The following PRKAR1A variants were observed in gnomAD, a reference collection of about 807,000 sequenced individuals.
PRKAR1A encodes the protein protein kinase cAMP-dependent type I regulatory subunit alpha.
In PRKAR1A, 3 loss-of-function variants were observed where a neutral mutation model predicts 52.0. The ratio of observed to expected loss-of-function variants is 0.06; its 90% CI spans 0.03 to 0.15. The LOEUF is 0.15. PRKAR1A is among the 10% of genes least tolerant of loss of function. The pLI, the probability that PRKAR1A is intolerant of heterozygous loss-of-function variation, is 1.00. For missense variants in PRKAR1A, 240 were observed against 477.4 expected, an observed-to-expected ratio of 0.50 and a Z score of 4.63; for synonymous variants, 188 against 168.4, an observed-to-expected ratio of 1.12 and a Z score of -0.90.
At chr17:68,426,251 G>GGGGGGC in the PRKAR1A span, 1 of 825,460 alleles carries the variant, frequency 1.2e-6, no homozygotes, top group South Asian at 1.3e-5. Context: ...GTGGGGAGCG[G>GGGGGGC]GGGCTCAAAT....
At chr17:68,445,761 T>C in the PRKAR1A span, among the ~76,000 whole-genome samples, 1 of 152,092 alleles carries the variant, frequency 6.6e-6, no homozygotes, top group Non-Finnish European at 1.5e-5. Flanking sequence ...GGTGAGGAGG[T>C]GTCAGGAAGG....
At chr17:68,551,264 C>T (rs538654332) in exon 12 of PRKAR1A, 2 of 604,638 alleles carry the variant, frequency 3.3e-6, no homozygotes, top group East Asian at 3.5e-5. Context: ...ACAAAATTTT[C>T]AAGGCATGTA....
At chr17:68,488,271 G>C in the PRKAR1A span, among the ~76,000 whole-genome samples, 1 of 152,166 alleles carries the variant, frequency 6.6e-6, no homozygotes, top group African/African-American at 2.4e-5. Flanking sequence ...GAGCAGGAGA[G>C]AAGAGCTGAG....
chr17:68,427,283 G>GA, the PRKAR1A span: 2 of 1,549,680 alleles, frequency 1.3e-6, no homozygotes, highest in Non-Finnish European at 8.9e-7. Context: ...GGAGGTGAAA[G>GA]AAAAAAGAAA....
At chr17:68,457,677 C>T in the PRKAR1A span, among the ~76,000 whole-genome samples, 1 of 152,006 alleles carries the variant, frequency 6.6e-6, no homozygotes, top group Non-Finnish European at 1.5e-5. Flanking sequence ...GGGCGGGGCC[C>T]CTGCCTCCGG....
At chr17:68,544,978 G>A (rs899748258) in intron 11 of PRKAR1A, among the ~76,000 whole-genome samples, 5 of 152,096 alleles carry the variant, frequency 3.3e-5, no homozygotes, top group African/African-American at 4.8e-5. Context: ...ACGTCTCATT[G>A]CACATTATAT....
chr17:68,471,049 AACTC>A, the PRKAR1A span, among the ~76,000 whole-genome samples: 478 of 152,314 alleles, frequency 3.1e-3, 2 homozygotes, highest in African/African-American at 0.011. Flanking sequence ...TAAAAAAACT[AACTC>A]CTTTTTTTCT....
downstream of PRKAR1A, chr17:68,533,494 T>C (rs1429536256): frequency 7.7e-6 from 7 of 910,068 alleles, no homozygotes; most frequent in Admixed American, 4.0e-4. Flanking sequence ...CCAAGTAGAC[T>C]CTTTTTTTTG....
chr17:68,436,124 G>C, the PRKAR1A span, among the ~76,000 whole-genome samples: 138,835 of 152,310 alleles, frequency 0.91, 63,578 homozygotes, highest in African/African-American at 0.98. Flanking sequence ...CACATTCAGG[G>C]AGACAACTGG....
At chr17:68,448,275 A>T in the PRKAR1A span, 1 of 152,238 alleles carries the variant, frequency 6.6e-6, no homozygotes, top group Non-Finnish European at 1.5e-5. Context: ...GAAAGTTTTA[A>T]GAAAAGCAAA....
upstream of PRKAR1A, among the ~76,000 whole-genome samples, chr17:68,510,910 C>T (rs771190071): frequency 1.6e-4 from 25 of 152,182 alleles, no homozygotes; most frequent in Non-Finnish European, 3.5e-4. Context: ...AGCAGTCGGC[C>T]TCCGAGGGCA....
the PRKAR1A span, among the ~76,000 whole-genome samples, chr17:68,490,441 T>C: frequency 6.6e-6 from 1 of 152,234 alleles, no homozygotes; most frequent in Non-Finnish European, 1.5e-5. Context: ...CTCCTTTTTC[T>C]TAGCCCTGTC....
At chr17:68,546,558 T>C (rs1024138993) in intron 11 of PRKAR1A, among the ~76,000 whole-genome samples, 2 of 151,954 alleles carry the variant, frequency 1.3e-5, no homozygotes, top group Non-Finnish European at 2.9e-5. Context: ...TGGCTGGGCG[T>C]GGTGGCTCGC....
rs1399973055 is a variant in PRKAR1A, at chr17:68,530,319, T to C, written c.1016T>C (p.Val339Ala). ...LLMNRPRAATVVARGPLKCVK... is the reference protein window; with the variant it reads ...LLMNRPRAATAVARGPLKCVK... Reference sequence around the variant, plus strand: ...ATGAATCGTCCTCGTGCTGCCACAGTTGTTGCTCGTGGCCCCTTGAAGTGC... The same window carrying C: ...ATGAATCGTCCTCGTGCTGCCACAGCTGTTGCTCGTGGCCCCTTGAAGTGC... The change falls in exon 11 of 11, where the codon GTT becomes GCT. Residue 339 changes from valine to alanine, a missense_variant. Coordinates refer to ENST00000589228, the MANE Select transcript of PRKAR1A (RefSeq NM_002734.5). 6.2e-7 allele frequency: 1 copy of C among 1,614,196 alleles called. No individual in the cohort carries two copies. The highest frequency in any genetic ancestry group is 8.5e-7 in the Non-Finnish European group (1 of 1,180,010).
chr17:68,533,439 G>C, downstream of PRKAR1A: 1 of 1,050,970 alleles, frequency 9.5e-7, no homozygotes, highest in Non-Finnish European at 1.2e-6. Context: ...AAATTTCTCT[G>C]GGTTGACAGT....
At chr17:68,520,902 T>C (rs940014965) in intron 2 of PRKAR1A, among the ~76,000 whole-genome samples, 1 of 152,210 alleles carries the variant, frequency 6.6e-6, no homozygotes, top group African/African-American at 2.4e-5. Flanking sequence ...AGAATTTGTG[T>C]TTTCATTTAT....
downstream of PRKAR1A, chr17:68,536,961 A>G (rs1355806600): frequency 2.2e-6 from 1 of 454,240 alleles, no homozygotes; most frequent in Non-Finnish European, 4.4e-6. Context: ...CTAGAATATG[A>G]GTAGAAAGTG....
intron 11 of PRKAR1A, chr17:68,539,429 G>A (rs774510993): frequency 1.3e-5 from 21 of 1,600,420 alleles, no homozygotes; most frequent in East Asian, 2.2e-5. Context: ...ATGGGTGGCC[G>A]GCAGCATCCT....
intron 2 of PRKAR1A, among the ~76,000 whole-genome samples, chr17:68,516,393 A>G (rs2085434478): frequency 6.6e-6 from 1 of 152,172 alleles, no homozygotes; most frequent in African/African-American, 2.4e-5. Context: ...AATCAGTGAG[A>G]GAAACTTACT....
Sources: gnomAD v4.1 joint callset for allele counts (sites outside exome capture counted in the v4.1 genomes callset) on GRCh38, gnomAD v4.1.1 for gene constraint, MANE v1.5 for transcripts, NCBI Gene and HGNC (gene_info 2026-07-23, HGNC 2026-07-21) for gene names.